METTL8: variants seen among roughly 807,000 people sequenced by gnomAD.
METTL8 encodes the protein methyltransferase 8, tRNA N3-cytidine.
A neutral mutation model predicts 48.7 loss-of-function variants in METTL8; 32 were observed. The observed-to-expected ratio is 0.66, with a 90% CI of 0.50 to 0.88. The LOEUF is 0.88. Ranked by LOEUF, METTL8 falls within the 40% of genes least tolerant of loss-of-function variation. METTL8 has a pLI of 0.00. For synonymous variants in METTL8, 136 were observed against 157.1 expected, an observed-to-expected ratio of 0.87 and a Z score of 1.01; for missense variants, 464 against 474.4, an observed-to-expected ratio of 0.98 and a Z score of 0.20.
At chr2:171,351,272 T>C (rs1428405460) in intron 3 of METTL8, among the ~76,000 whole-genome samples, 1 of 152,204 alleles carries the variant, frequency 6.6e-6, no homozygotes, top group Non-Finnish European at 1.5e-5. Context: ...CAGATGGTTA[T>C]AGATGTGTGG....
chr2:171,374,816 T>C, intron 2 of METTL8: 3 of 668,760 alleles, frequency 4.5e-6, no homozygotes, highest in Non-Finnish European at 8.0e-6. Context: ...ATCCATGTTG[T>C]ATATGTTTAA....
chr2:171,350,724 CATTTTTTCA>C (rs1470563954), intron 3 of METTL8, among the ~76,000 whole-genome samples: 1 of 152,180 alleles, frequency 6.6e-6, no homozygotes, highest in Non-Finnish European at 1.5e-5. Flanking sequence ...TGATGATGAG[CATTTTTTCA>C]TATGTCTGTT....
intron 2 of METTL8, among the ~76,000 whole-genome samples, chr2:171,373,948 G>T (rs148763767): frequency 1.3e-5 from 2 of 152,176 alleles, no homozygotes; most frequent in African/African-American, 4.8e-5. Context: ...GCTTAGGATT[G>T]TCTTGGCAAT....
intron 2 of METTL8, among the ~76,000 whole-genome samples, chr2:171,372,807 A>G (rs1287267188): frequency 6.6e-6 from 1 of 152,218 alleles, no homozygotes; most frequent in Non-Finnish European, 1.5e-5. Context: ...TACAAAGGAC[A>G]TGAACTCATC....
At chr2:171,336,495 G>A (rs1418557557) in intron 5 of METTL8, among the ~76,000 whole-genome samples, 3 of 147,660 alleles carry the variant, frequency 2.0e-5, no homozygotes, top group Non-Finnish European at 4.5e-5. Context: ...TCGGCCTCCC[G>A]GGTTCACGCC....
chr2:171,343,467 AAAAT>A (rs1468016109), intron 3 of METTL8, among the ~76,000 whole-genome samples: 7 of 151,660 alleles, frequency 4.6e-5, no homozygotes, highest in Non-Finnish European at 8.8e-5. Context: ...ATAAATATAA[AAAAT>A]AAAATAATAA....
At chr2:171,363,923 C>G (rs1685459795) in intron 2 of METTL8, among the ~76,000 whole-genome samples, 1 of 150,370 alleles carries the variant, frequency 6.7e-6, no homozygotes, top group Non-Finnish European at 1.5e-5. Context: ...AGCAATTCTC[C>G]TGCCTCAGCC....
At chr2:171,388,501 C>T (rs911995014) in intron 2 of METTL8, among the ~76,000 whole-genome samples, 8 of 152,220 alleles carry the variant, frequency 5.3e-5, no homozygotes, top group African/African-American at 1.9e-4. Flanking sequence ...CTTATATTTC[C>T]TCATCTCAGT....
chr2:171,337,196 T>C (rs772804508), intron 5 of METTL8, among the ~76,000 whole-genome samples: 2 of 152,122 alleles, frequency 1.3e-5, no homozygotes, highest in Non-Finnish European at 1.5e-5. Flanking sequence ...CTCTCATCCA[T>C]ATACACATAA....
intron 3 of METTL8, among the ~76,000 whole-genome samples, chr2:171,349,476 G>T (rs182608739): frequency 3.9e-5 from 6 of 152,282 alleles, no homozygotes; most frequent in African/African-American, 1.4e-4. Flanking sequence ...CATCCATGTT[G>T]TAGTATGTGA....
intron 1 of METTL8, among the ~76,000 whole-genome samples, chr2:171,432,408 G>A (rs112062518): frequency 1.2e-3 from 177 of 152,294 alleles, no homozygotes; most frequent in East Asian, 5.6e-3. Flanking sequence ...CCTTGGTGAC[G>A]ACTTGGTGGT....
Position 171,318,882 on chromosome 2 carries a change from G to T in METTL8, c.*5290C>A, listed in dbSNP as rs993122234. On this transcript the variant is annotated 3_prime_UTR_variant, in exon 10 of 10. Coordinates refer to ENST00000375258, the MANE Select transcript of METTL8 (RefSeq NM_001321154.2). The stretch of plus-strand genomic sequence containing the variant: ...TGGAATCAGAGAGTTCTGGGTCCGA[G>T]TTGTGACTCTGCTACTTACTAGATG... The T allele has an allele frequency of 3.9e-5, 6 of 151,974 alleles. No homozygotes were observed. Among genetic ancestry groups the T allele is most frequent in the Admixed American group, 3.9e-4 (6 of 15,252 alleles). 9.4% of individuals were successfully genotyped at this position (151,974 alleles called of 1,614,324 possible). A position where few individuals can be genotyped will look rare whatever the true frequency, so the allele number is the denominator to read the frequency against.
chr2:171,432,650 A>G (rs751818892), intron 1 of METTL8, among the ~76,000 whole-genome samples: 16 of 152,226 alleles, frequency 1.1e-4, no homozygotes, highest in Non-Finnish European at 1.9e-4. Context: ...TATGCTGTAA[A>G]TAAGTCATGA....
intron 1 of METTL8, among the ~76,000 whole-genome samples, chr2:171,398,697 C>T (rs1689355847): frequency 6.6e-6 from 1 of 152,084 alleles, no homozygotes; most frequent in Admixed American, 6.6e-5. Context: ...ATTTCAGGTA[C>T]ACTTGCCACA....
chr2:171,315,915 C>T lies in METTL8; in HGVS notation c.*8257G>A, dbSNP rs1684242270. On this transcript the variant is annotated 3_prime_UTR_variant, in exon 10 of 10. Coordinates refer to ENST00000375258, the MANE Select transcript of METTL8 (RefSeq NM_001321154.2). ...AAAGTGAGGTAACCCAAGCCAAATT[C>T]CTCTGGTGTCACAGTTCCTCCTATA... is the stretch of plus-strand genomic sequence containing the variant. Among the ~76,000 whole-genome samples, 1 of 152,202 alleles carries T rather than the reference C, an allele frequency of 6.6e-6. No individual in the cohort carries two copies. Among genetic ancestry groups the T allele is most frequent in the South Asian group, 2.1e-4 (1 of 4,834 alleles).
chr2:171,353,042 T>C (rs1684118883), intron 3 of METTL8, among the ~76,000 whole-genome samples: 1 of 152,202 alleles, frequency 6.6e-6, no homozygotes, highest in Admixed American at 6.5e-5. Context: ...GCTTCTCTAG[T>C]TCTTTTAATT....
intron 2 of METTL8, among the ~76,000 whole-genome samples, chr2:171,362,578 T>C (rs1685274508): frequency 6.7e-6 from 1 of 148,442 alleles, no homozygotes; most frequent in South Asian, 2.1e-4. Context: ...AATAAATAAA[T>C]AAATAAATAA....
intron 1 of METTL8, among the ~76,000 whole-genome samples, chr2:171,397,553 C>CAAAA (rs34936693): frequency 1.2e-4 from 6 of 52,120 alleles, no homozygotes; most frequent in Admixed American, 2.4e-4. Context: ...AACCCTGCCT[C>CAAAA]AAAAAAAAAA....
At chr2:171,365,706 C>G (rs749669267) in intron 2 of METTL8, among the ~76,000 whole-genome samples, 9 of 152,170 alleles carry the variant, frequency 5.9e-5, no homozygotes, top group Non-Finnish European at 1.2e-4. Context: ...ACTTAAAACT[C>G]TGGTATAGGA....
Sources: allele counts gnomAD v4.1 joint callset (sites outside exome capture counted in the v4.1 genomes callset), GRCh38; gene constraint gnomAD v4.1.1; transcripts MANE v1.5; gene names NCBI Gene and HGNC (gene_info 2026-07-23, HGNC 2026-07-21).